The following ARHGAP44 variants were observed in gnomAD, a reference collection of about 807,000 sequenced individuals.
ARHGAP44 encodes the protein Rho GTPase activating protein 44.
ARHGAP44 carries 43 observed loss-of-function variants against 106.8 expected under a neutral mutation model. That is an observed-to-expected ratio of 0.40 (90% confidence interval 0.32 to 0.52). The LOEUF (loss-of-function observed/expected upper bound fraction) is 0.52, where lower values mean the gene tolerates loss of function less well. Ranked by LOEUF, ARHGAP44 falls within the 20% of genes least tolerant of loss-of-function variation. ARHGAP44 has a pLI of 0.48. For missense variants in ARHGAP44, 866 were observed against 1,050.5 expected (o/e 0.82, Z 2.43); for synonymous variants, 439 against 410.3 (o/e 1.07, Z -0.85).
intron 4 of ARHGAP44, among the ~76,000 whole-genome samples, chr17:12,909,850 G>T (rs2037671957): frequency 1.3e-5 from 2 of 151,966 alleles, no homozygotes; most frequent in South Asian, 4.1e-4. Context: ...ATTTGATTGA[G>T]ATCAACAAGA....
intron 16 of ARHGAP44, among the ~76,000 whole-genome samples, chr17:12,966,102 G>C (rs926771348): frequency 1.3e-5 from 2 of 150,566 alleles, no homozygotes; most frequent in South Asian, 2.1e-4. Context: ...GCTGTAGAGA[G>C]CTGTGATAGT....
At position 12,970,145 on chromosome 17, in the gene ARHGAP44, C is replaced by T. The variant is rs536342198; in HGVS notation, c.1524-3157C>T. Among the ~76,000 whole-genome samples, 109 of 152,136 alleles carry T rather than the reference C, an allele frequency of 7.2e-4. 1 individual carries two copies. Among genetic ancestry groups the T allele is most frequent in the African/African-American group, 2.5e-3 (105 of 41,518 alleles). ...TTCTGGATTCCCTGCCCCTTGTCTT[C>T]TTACTCTGAGAGAGAGCAGTGGTCC... On this transcript the variant is annotated intron_variant, in intron 16 of 20. Coordinates refer to ENST00000379672, the MANE Select transcript of ARHGAP44 (RefSeq NM_014859.6).
intron 1 of ARHGAP44, among the ~76,000 whole-genome samples, chr17:12,792,921 G>C (rs1457247433): frequency 2.0e-5 from 3 of 152,328 alleles, no homozygotes; most frequent in Non-Finnish European, 2.9e-5. Context: ...ACTGACAAAA[G>C]TTTCAGCCCC....
intron 1 of ARHGAP44, among the ~76,000 whole-genome samples, chr17:12,802,041 CTCTTA>C (rs1476926836): frequency 6.6e-6 from 1 of 152,144 alleles, no homozygotes; most frequent in African/African-American, 2.4e-5. Context: ...TGTGAGAAAT[CTCTTA>C]TCTTTAATGT....
intron 7 of ARHGAP44, 57 bp downstream of exon 7, chr17:12,929,103 C>G: frequency 6.7e-7 from 1 of 1,487,402 alleles, no homozygotes; most frequent in Non-Finnish European, 9.2e-7. Flanking sequence ...CTCAGGGATT[C>G]CCTTTTTGTT....
At chr17:12,930,024 A>G in intron 7 of ARHGAP44, among the ~76,000 whole-genome samples, 1 of 152,308 alleles carries the variant, frequency 6.6e-6, no homozygotes, top group Admixed American at 6.5e-5. Context: ...TTTTTAAAGA[A>G]TTCATTATCT....
chr17:12,942,109 T>C (rs1166211606), intron 8 of ARHGAP44, among the ~76,000 whole-genome samples: 1 of 152,192 alleles, frequency 6.6e-6, no homozygotes, highest in African/African-American at 2.4e-5. Context: ...GGAGTTGATA[T>C]GCATTACTTC....
At position 12,990,248 on chromosome 17, in the gene ARHGAP44, G is replaced by A. The variant is rs2040095159; in HGVS notation, c.*77G>A. 3 of 1,524,512 alleles carry A rather than the reference G, an allele frequency of 2.0e-6. No individual in the cohort carries two copies. The highest frequency in any genetic ancestry group is 1.4e-5 in the African/African-American group (1 of 73,000). The allele number at this position is 1,524,512 out of a possible 1,614,324, so 94.4% of individuals were successfully genotyped here. A position where few individuals can be genotyped will look rare whatever the true frequency, so the allele number is the denominator to read the frequency against. On this transcript the variant is annotated 3_prime_UTR_variant, in exon 21 of 21. Coordinates refer to ENST00000379672, the MANE Select transcript of ARHGAP44 (RefSeq NM_014859.6). Reference sequence around the variant, plus strand: ...ACGCCGCCAGGAGCAGCGTCCATGAGCTTGCCAAGTGTTCTCTGCTGGCTC... The same window carrying A: ...ACGCCGCCAGGAGCAGCGTCCATGAACTTGCCAAGTGTTCTCTGCTGGCTC...
At chr17:12,974,006 G>C (rs999388257) in intron 17 of ARHGAP44, 83 bp from the exon 18 acceptor site, 109 of 1,396,620 alleles carry the variant, frequency 7.8e-5, no homozygotes, top group East Asian at 1.5e-4. Context: ...TCCCAACGCG[G>C]ACCTGCTTGA....
intron 17 of ARHGAP44, chr17:12,973,761 G>A: frequency 1.9e-6 from 1 of 523,070 alleles, no homozygotes; most frequent in Non-Finnish European, 3.4e-6. Context: ...TACACCCAGG[G>A]AGCTTGCCGG....
rs1456636869 is a variant in ARHGAP44 at position 12,915,976 on chromosome 17, A to G, written c.352A>G (p.Arg118Gly). Reference protein sequence around the residue: ...ELIHFELQVERDVIEPLFLLA... With the variant: ...ELIHFELQVEGDVIEPLFLLA... ...GATACATTTTGAGTTGCAAGTAGAG[A>G]GAGACGTGATTGAGCCCCTGTTTTT... Residue 118 changes from arginine (R) to glycine (G), a missense_variant, in exon 5 of 21, where the codon AGA becomes GGA. Arg to Gly is a moderately radical substitution (Grantham distance 125). Transcript: ENST00000379672. 2 of 1,613,776 alleles carry G rather than the reference A, an allele frequency of 1.2e-6. No homozygotes were observed. The highest frequency in any genetic ancestry group is 8.5e-7 in the Non-Finnish European group (1 of 1,179,856).
At chr17:12,989,063 C>G (rs922698271) in intron 20 of ARHGAP44, 2 of 137,128 alleles carry the variant, frequency 1.5e-5, no homozygotes, top group Non-Finnish European at 3.0e-5. Flanking sequence ...TGCCATTGCA[C>G]TCCAGTCTGT....
intron 1 of ARHGAP44, among the ~76,000 whole-genome samples, chr17:12,882,844 G>T (rs952431560): frequency 4.6e-5 from 7 of 151,896 alleles, no homozygotes; most frequent in African/African-American, 1.4e-4. Flanking sequence ...CATGAAGATG[G>T]TCTATAATTT....
At chr17:12,920,657 G>A (rs1356684078) in intron 6 of ARHGAP44, among the ~76,000 whole-genome samples, 1 of 152,168 alleles carries the variant, frequency 6.6e-6, no homozygotes, top group Non-Finnish European at 1.5e-5. Context: ...TGAGAGCCAG[G>A]AGGTAGGATG....
intron 1 of ARHGAP44, among the ~76,000 whole-genome samples, chr17:12,858,158 G>C (rs915034857): frequency 1.3e-5 from 2 of 152,206 alleles, no homozygotes; most frequent in African/African-American, 4.8e-5. Context: ...TGTGGGCACA[G>C]AAATCCTGTG....
intron 1 of ARHGAP44, among the ~76,000 whole-genome samples, chr17:12,883,087 T>G (rs2036784795): frequency 6.6e-6 from 1 of 151,896 alleles, no homozygotes; most frequent in African/African-American, 2.4e-5. Context: ...TTAATTTCTT[T>G]GATATTTATA....
In ARHGAP44 at chr17:12,854,684, C is replaced by T. The variant is rs574658533; in HGVS notation, c.54-40256C>T. 3.3e-5 allele frequency among the ~76,000 whole-genome samples: 5 copies of T among 152,264 alleles called. No individual in the cohort carries two copies. In the East Asian group the frequency reaches 7.7e-4, roughly 24 times the overall value. ...AAAAAGAAACAGTGTCTTGGCTGAG[C>T]GCGGTGGCTCATGCCTGTAATCCCA... On this transcript the variant is annotated intron_variant, in intron 1 of 20. Coordinates refer to ENST00000379672, the MANE Select transcript of ARHGAP44 (RefSeq NM_014859.6).
chr17:12,839,434 A>G (rs572328205), intron 1 of ARHGAP44, among the ~76,000 whole-genome samples: 1 of 152,222 alleles, frequency 6.6e-6, no homozygotes. Flanking sequence ...GTTTAAAATG[A>G]TCTCTTCTTG....
intron 1 of ARHGAP44, among the ~76,000 whole-genome samples, chr17:12,841,639 C>CACACACACAA (rs1555546108): frequency 1.4e-4 from 19 of 137,396 alleles, no homozygotes; most frequent in African/African-American, 5.6e-4. Flanking sequence ...CACACACACA[C>CACACACACAA]AAACAAACAA....
Sources: gnomAD v4.1 joint callset for allele counts (sites outside exome capture counted in the v4.1 genomes callset) on GRCh38, gnomAD v4.1.1 for gene constraint, MANE v1.5 for transcripts, NCBI Gene and HGNC (gene_info 2026-07-23, HGNC 2026-07-21) for gene names.